The following XKR4 variants were observed in gnomAD, a reference collection of about 807,000 sequenced individuals.
The protein encoded by XKR4 is XK-related protein 4.
A neutral mutation model predicts 53.9 loss-of-function variants in XKR4; 12 were observed. That is an observed-to-expected ratio of 0.22 (90% CI 0.14 to 0.36). The LOEUF (loss-of-function observed/expected upper bound fraction) is 0.36, where lower values mean the gene tolerates loss of function less well. XKR4 is among the 10% of genes least tolerant of loss of function. The probability of loss-of-function intolerance (pLI) is 1.00; values close to 1 mark genes in which losing one functional copy is unlikely to be tolerated. For synonymous variants in XKR4, 354 were observed against 362.4 expected, an observed-to-expected ratio of 0.98 and a Z score of 0.26; for missense variants, 799 against 859.5, an observed-to-expected ratio of 0.93 and a Z score of 0.88.
At chr8:55,232,536 T>TG (rs1364431641) in intron 1 of XKR4, among the ~76,000 whole-genome samples, 1 of 152,204 alleles carries the variant, frequency 6.6e-6, no homozygotes, top group Non-Finnish European at 1.5e-5. Context: ...TTTATACACT[T>TG]GCGGCTGCTT....
At chr8:55,255,750 T>C (rs561736760) in intron 1 of XKR4, among the ~76,000 whole-genome samples, 1 of 152,054 alleles carries the variant, frequency 6.6e-6, no homozygotes, top group Non-Finnish European at 1.5e-5. Context: ...AGCAAGGAGC[T>C]CTTTGTTTAA....
intron 1 of XKR4, among the ~76,000 whole-genome samples, chr8:55,127,328 C>T (rs956943690): frequency 2.6e-5 from 4 of 151,458 alleles, no homozygotes; most frequent in Admixed American, 6.6e-5. Context: ...TCTCGGCTCA[C>T]TGCAACCTCC....
intron 1 of XKR4, among the ~76,000 whole-genome samples, chr8:55,145,422 T>C (rs1459765917): frequency 2.8e-5 from 3 of 106,158 alleles, no homozygotes; most frequent in Non-Finnish European, 6.4e-5. Flanking sequence ...ATACCTAAAA[T>C]TTTTTCTCAA....
At chr8:55,438,225 GC>G (rs1328078427) in intron 2 of XKR4, among the ~76,000 whole-genome samples, 1 of 152,240 alleles carries the variant, frequency 6.6e-6, no homozygotes, top group Non-Finnish European at 1.5e-5. Flanking sequence ...AGCCTTGCAT[GC>G]TCAGGGATAA....
intron 2 of XKR4, among the ~76,000 whole-genome samples, chr8:55,396,399 G>GTTTTTTTTTTTTTGTTTTTTT (rs1804518961): frequency 1.1e-5 from 1 of 88,750 alleles, no homozygotes; most frequent in African/African-American, 4.9e-5. Flanking sequence ...TTTTTGTTTG[G>GTTTTTTTTTTTTTGTTTTTTT]TTTTTTTTTT....
chr8:55,449,092 A>G (rs1414798029), intron 2 of XKR4, among the ~76,000 whole-genome samples: 1 of 151,964 alleles, frequency 6.6e-6, no homozygotes, highest in East Asian at 1.9e-4. Flanking sequence ...AGGTTAAAAA[A>G]AAAAACATAT....
intron 2 of XKR4, among the ~76,000 whole-genome samples, chr8:55,509,850 C>T (rs963367157): frequency 6.6e-6 from 1 of 152,154 alleles, no homozygotes; most frequent in African/African-American, 2.4e-5. Flanking sequence ...TCACAGCCAG[C>T]GCTTTTCTAA....
chr8:55,451,540 C>A, intron 2 of XKR4: 1 of 1,035,450 alleles, frequency 9.7e-7, no homozygotes, highest in Non-Finnish European at 1.4e-6. Flanking sequence ...TACACCTATG[C>A]CGTACAGGCC....
At chr8:55,515,757 G>T (rs575794261) in intron 2 of XKR4, among the ~76,000 whole-genome samples, 1 of 152,180 alleles carries the variant, frequency 6.6e-6, no homozygotes, top group South Asian at 2.1e-4. Context: ...GCACCAATAT[G>T]GTTGCTACAG....
chr8:55,106,053 G>GTAC (rs1311934202), intron 1 of XKR4, among the ~76,000 whole-genome samples: 1 of 152,122 alleles, frequency 6.6e-6, no homozygotes, highest in African/African-American at 2.4e-5. Flanking sequence ...AAACACCAGA[G>GTAC]TACTGAGTGG....
chr8:55,338,503 C>T (rs1198066062), intron 1 of XKR4, among the ~76,000 whole-genome samples: 1 of 152,190 alleles, frequency 6.6e-6, no homozygotes, highest in Non-Finnish European at 1.5e-5. Flanking sequence ...GGCATTTATC[C>T]AATAACTCCT....
At chr8:55,432,789 T>C (rs1220298142) in intron 2 of XKR4, among the ~76,000 whole-genome samples, 2 of 152,122 alleles carry the variant, frequency 1.3e-5, no homozygotes, top group East Asian at 3.9e-4. Flanking sequence ...CTTGGCCCTC[T>C]AAAATCTAGG....
At chr8:55,449,099 A>C (rs565484267) in intron 2 of XKR4, among the ~76,000 whole-genome samples, 2 of 151,376 alleles carry the variant, frequency 1.3e-5, no homozygotes, top group East Asian at 3.9e-4. Context: ...AAAAAAAAAC[A>C]TATAAAATTG....
At chr8:55,307,069 A>G (rs569077161) in intron 1 of XKR4, among the ~76,000 whole-genome samples, 2 of 152,248 alleles carry the variant, frequency 1.3e-5, no homozygotes, top group South Asian at 4.2e-4. Flanking sequence ...AATATTTGAG[A>G]CCTAGGACTA....
intron 1 of XKR4, among the ~76,000 whole-genome samples, chr8:55,347,916 T>C (rs573970388): frequency 6.6e-6 from 1 of 152,352 alleles, no homozygotes; most frequent in East Asian, 1.9e-4. Context: ...TTTTCATTAC[T>C]GTGAACTTCC....
At chr8:55,190,663 A>G (rs1331047438) in intron 1 of XKR4, among the ~76,000 whole-genome samples, 3 of 152,194 alleles carry the variant, frequency 2.0e-5, no homozygotes, top group African/African-American at 7.2e-5. Context: ...ATGTATTTGA[A>G]AAGGCATAAT....
intron 2 of XKR4, among the ~76,000 whole-genome samples, chr8:55,420,338 T>C (rs1804907993): frequency 6.6e-6 from 1 of 152,086 alleles, no homozygotes; most frequent in South Asian, 2.1e-4. Flanking sequence ...CATGCACACG[T>C]ATGTTTATTG....
intron 1 of XKR4, among the ~76,000 whole-genome samples, chr8:55,347,096 G>A (rs1183878631): frequency 2.0e-5 from 3 of 152,124 alleles, no homozygotes; most frequent in Non-Finnish European, 2.9e-5. Context: ...TAAGGATTAT[G>A]TCAATTATTT....
At chr8:55,150,160 A>C (rs1188959584) in intron 1 of XKR4, among the ~76,000 whole-genome samples, 2 of 152,206 alleles carry the variant, frequency 1.3e-5, no homozygotes, top group African/African-American at 4.8e-5. Flanking sequence ...TTATTTGCTA[A>C]AATTGTTGTT....
Sources: allele counts gnomAD v4.1 joint callset (sites outside exome capture counted in the v4.1 genomes callset), GRCh38; gene constraint gnomAD v4.1.1; transcripts MANE v1.5; gene names NCBI Gene and HGNC (gene_info 2026-07-23, HGNC 2026-07-21).